MXI1: variants seen among roughly 807,000 people sequenced by gnomAD.
MXI1 encodes the protein max-interacting protein 1.
A neutral mutation model predicts 36.9 loss-of-function variants in MXI1; 18 were observed. That is an observed-to-expected ratio of 0.49 (90% CI 0.34 to 0.72). The LOEUF is 0.72. MXI1 is among the 30% of genes least tolerant of loss of function. MXI1 has a pLI of 0.01. For synonymous variants in MXI1, 160 were observed against 146.7 expected (o/e 1.09, Z -0.65); for missense variants, 304 against 379.1 (o/e 0.80, Z 1.64).
Position 110,279,303 on chromosome 10 carries a change from T to A in MXI1, c.552+9T>A. On this transcript the variant is annotated intron_variant, in intron 4 of 5. Transcript: ENST00000332674. ...CCAAAGCACACATCAAGGTGAGAAT[T>A]TTTACTTTCAGATTTGCACAATTCC... 2 of 1,610,390 alleles carry A rather than the reference T, an allele frequency of 1.2e-6. No homozygotes were observed. The highest frequency in any genetic ancestry group is 1.7e-6 in the Non-Finnish European group (2 of 1,176,670).
chr10:110,285,079 C>A lies in MXI1; in HGVS notation c.*92C>A. ...TAAATTGGGTTCATGATGCAGTCTC[C>A]TCTTTAAAACAAAACAAAACAAAAC... On this transcript the variant is annotated 3_prime_UTR_variant, in exon 6 of 6. Transcript: ENST00000332674. The A allele has an allele frequency of 8.0e-7, 1 of 1,250,352 alleles. No homozygotes were observed. Among genetic ancestry groups the A allele is most frequent in the Non-Finnish European group, 1.1e-6 (1 of 928,532 alleles). 77.5% of individuals were successfully genotyped at this position (1,250,352 alleles called of 1,614,324 possible).
chr10:110,269,243 G>A (rs1695890090), intron 3 of MXI1, among the ~76,000 whole-genome samples: 1 of 152,282 alleles, frequency 6.6e-6, no homozygotes, highest in Admixed American at 6.5e-5. Context: ...TCGCCTTCCA[G>A]GGATGAATTA....
intron 3 of MXI1, among the ~76,000 whole-genome samples, chr10:110,273,951 A>G (rs1374058116): frequency 6.6e-6 from 1 of 152,202 alleles, no homozygotes; most frequent in Non-Finnish European, 1.5e-5. Flanking sequence ...AACATAATCA[A>G]ATGATACTTG....
At chr10:110,265,283 G>A (rs1361866025) in intron 3 of MXI1, among the ~76,000 whole-genome samples, 1 of 152,120 alleles carries the variant, frequency 6.6e-6, no homozygotes, top group African/African-American at 2.4e-5. Flanking sequence ...CTCACCCTTT[G>A]CACTTTAGAT....
Position 110,280,049 on chromosome 10 carries a change from T to A in MXI1, c.688T>A (p.Ser230Thr). 6.3e-7 allele frequency: 1 copy of A among 1,598,430 alleles called. No homozygotes were observed. The highest frequency in any genetic ancestry group is 1.1e-5 in the South Asian group (1 of 89,020). ...MERIRMDSIGSTISSDRSDSE... is the reference protein window; with the variant it reads ...MERIRMDSIGTTISSDRSDSE... ...ACGAATACGAATGGACAGCATTGGA[T>A]CAACTATTTCTTCAGATCGTTCTGA... Residue 230 changes from serine to threonine, a missense_variant, in exon 5 of 6, where the codon TCA becomes ACA. Around this residue, in one of 2 missense-constraint regions of MXI1, gnomAD observed 125 missense variants for 194.3 expected, o/e 0.64. Transcript: ENST00000332674.
chr10:110,244,608 T>C (rs1247249932), intron 2 of MXI1, among the ~76,000 whole-genome samples: 1 of 152,056 alleles, frequency 6.6e-6, no homozygotes, highest in Non-Finnish European at 1.5e-5. Flanking sequence ...AAACTCCAGT[T>C]TCAGACTGTT....
At chr10:110,263,937 C>G (rs572394658) in intron 3 of MXI1, among the ~76,000 whole-genome samples, 2 of 152,266 alleles carry the variant, frequency 1.3e-5, no homozygotes, top group South Asian at 4.1e-4. Context: ...CTAATTGTCT[C>G]TCTTAGTTTA....
intron 1 of MXI1, chr10:110,226,261 G>A (rs1854963358): frequency 3.3e-6 from 5 of 1,501,648 alleles, no homozygotes; most frequent in Non-Finnish European, 4.4e-6. Context: ...AGGCTGCCGA[G>A]TTTTTGGAGC....
rs765823075 is a variant in MXI1, at chr10:110,280,007, G to C, written c.646G>C (p.Gly216Arg). ...AAAGTGGCGACTGGAACAGCTGCAG[G>C]GTCCTCAGGAGATGGAACGAATACG... ...FLKWRLEQLQ[G>R]PQEMERIRMD... is the part of the protein sequence containing the mutation. Residue 216 changes from glycine (G) to arginine (R), a missense_variant, in exon 5 of 6, where the codon GGT becomes CGT. Physicochemically the swap from Gly to Arg is moderately radical, Grantham distance 125. This residue lies in a region of MXI1 where 125 missense variants were observed against 194.3 expected (regional missense o/e 0.64). Coordinates refer to ENST00000332674, the MANE Select transcript of MXI1 (RefSeq NM_130439.3). 1.3e-5 allele frequency: 21 copies of C among 1,613,172 alleles called. 1 individual carries two copies. The Middle Eastern group carries it at 2.5e-3, about 189-fold the overall frequency.
intron 1 of MXI1, among the ~76,000 whole-genome samples, chr10:110,220,029 C>T (rs1854760264): frequency 6.6e-6 from 1 of 152,216 alleles, no homozygotes; most frequent in Admixed American, 6.5e-5. Flanking sequence ...GTTTCTACCG[C>T]CTCCTAGTGT....
chr10:110,240,567 G>A (rs1042980388), intron 2 of MXI1, among the ~76,000 whole-genome samples: 12 of 152,120 alleles, frequency 7.9e-5, no homozygotes, highest in East Asian at 1.9e-4. Flanking sequence ...GAAAACTACC[G>A]TCTTAAAAGA....
At chr10:110,240,475 T>C (rs944198680) in intron 2 of MXI1, among the ~76,000 whole-genome samples, 14 of 152,124 alleles carry the variant, frequency 9.2e-5, no homozygotes, top group African/African-American at 3.1e-4. Context: ...AGGCATTTTT[T>C]CTAAAAGTTT....
At chr10:110,224,648 T>C (rs1854907809) in intron 1 of MXI1, among the ~76,000 whole-genome samples, 1 of 150,966 alleles carries the variant, frequency 6.6e-6, no homozygotes, top group Non-Finnish European at 1.5e-5. Context: ...TTTTTTTTTT[T>C]TTTTTTCTTT....
At chr10:110,273,909 G>C (rs913490358) in intron 3 of MXI1, among the ~76,000 whole-genome samples, 24 of 152,150 alleles carry the variant, frequency 1.6e-4, no homozygotes, top group African/African-American at 5.6e-4. Flanking sequence ...TTGTTGGACA[G>C]GGGTATTAGA....
intron 2 of MXI1, among the ~76,000 whole-genome samples, chr10:110,242,294 T>C (rs1432968463): frequency 1.3e-5 from 2 of 152,042 alleles, no homozygotes; most frequent in African/African-American, 2.4e-5. Flanking sequence ...GTTATAATTA[T>C]TGCTAAACAT....
chr10:110,234,140 A>G (rs1255653181), intron 2 of MXI1, among the ~76,000 whole-genome samples: 3 of 152,184 alleles, frequency 2.0e-5, no homozygotes, highest in African/African-American at 7.2e-5. Context: ...TAAGCAATAT[A>G]TGCATCATTG....
chr10:110,277,124 G>C (rs12256505), intron 3 of MXI1, among the ~76,000 whole-genome samples: 35,135 of 152,054 alleles, frequency 0.23, 4,784 homozygotes, highest in African/African-American at 0.38. Context: ...TTATAGGCAT[G>C]AGCCACCATG....
At chr10:110,209,407 C>G (rs1854450768) in intron 1 of MXI1, among the ~76,000 whole-genome samples, 1 of 152,160 alleles carries the variant, frequency 6.6e-6, no homozygotes, top group Non-Finnish European at 1.5e-5. Context: ...TTCCCCCCAC[C>G]CAACACAACA....
At chr10:110,218,189 G>A (rs568338585) in intron 1 of MXI1, among the ~76,000 whole-genome samples, 2 of 152,300 alleles carry the variant, frequency 1.3e-5, no homozygotes, top group East Asian at 1.9e-4. Flanking sequence ...GGTGGCTCAC[G>A]TCTGTAATCC....
Sources: allele counts gnomAD v4.1 joint callset (sites outside exome capture counted in the v4.1 genomes callset), GRCh38; gene constraint gnomAD v4.1.1; regional missense constraint gnomAD v4.1.1; transcripts MANE v1.5; gene names NCBI Gene and HGNC (gene_info 2026-07-23, HGNC 2026-07-21).